The following VTI1A variants were observed in gnomAD, a reference collection of about 807,000 sequenced individuals.
VTI1A encodes the protein vesicle transport through interaction with t-SNAREs homolog 1A.
A neutral mutation model predicts 34.9 loss-of-function variants in VTI1A; 22 were observed. The ratio of observed to expected loss-of-function variants is 0.63; its 90% CI spans 0.45 to 0.90. The LOEUF (loss-of-function observed/expected upper bound fraction) is 0.90. VTI1A is among the 40% of genes least tolerant of loss of function. The pLI is 0.00. For synonymous variants in VTI1A, 87 were observed against 97.3 expected, an observed-to-expected ratio of 0.89 and a Z score of 0.62; for missense variants, 268 against 275.6, an observed-to-expected ratio of 0.97 and a Z score of 0.20.
At chr10:112,650,589 A>G (rs1846972848) in intron 5 of VTI1A, among the ~76,000 whole-genome samples, 4 of 152,210 alleles carry the variant, frequency 2.6e-5, no homozygotes, top group Admixed American at 2.6e-4. Context: ...ATAATTGTAT[A>G]TGCTATACTT....
At position 112,598,772 on chromosome 10, in the gene VTI1A, G is replaced by T. The variant is rs183733605; in HGVS notation, c.427+60442G>T. ...GAAAAGATCCCTTTCTTTTAAATAA[G>T]CTGGACTCATGATTGATTTTCTACG... On this transcript the variant is annotated intron_variant, in intron 5 of 7. Coordinates refer to ENST00000393077, the MANE Select transcript of VTI1A (RefSeq NM_145206.4). Among the ~76,000 whole-genome samples, 26 of 152,284 alleles carry T rather than the reference G, an allele frequency of 1.7e-4. No individual in the cohort carries two copies. The East Asian group carries it at 4.8e-3, about 28-fold the overall frequency.
At chr10:112,801,604 T>C (rs1852879343) in intron 7 of VTI1A, among the ~76,000 whole-genome samples, 1 of 152,178 alleles carries the variant, frequency 6.6e-6, no homozygotes, top group East Asian at 1.9e-4. Context: ...CAATAAATCT[T>C]CAGCAGACCT....
chr10:112,460,543 T>A lies in VTI1A; in HGVS notation c.114T>A (p.Val38=). ...RLPPDEKKQM[V]ANVEKQLEEA... Reference sequence around the variant, plus strand: ...TTTCAGATGAAAAGAAACAGATGGTTGCAAATGTGGAGAAACAGCTTGAAG... The same window carrying A: ...TTTCAGATGAAAAGAAACAGATGGTAGCAAATGTGGAGAAACAGCTTGAAG... The change falls in exon 2 of 8, where the codon GTT becomes GTA. Residue 38 remains valine, a synonymous_variant. Coordinates refer to ENST00000393077, the MANE Select transcript of VTI1A (RefSeq NM_145206.4). 6.2e-7 allele frequency: 1 copy of A among 1,609,990 alleles called. No individual in the cohort carries two copies. The highest frequency in any genetic ancestry group is 8.5e-7 in the Non-Finnish European group (1 of 1,178,302).
intron 3 of VTI1A, among the ~76,000 whole-genome samples, chr10:112,493,366 T>G (rs976899572): frequency 1.3e-5 from 2 of 152,182 alleles, no homozygotes; most frequent in Non-Finnish European, 2.9e-5. Context: ...CTTTGTTGAT[T>G]CTTCTGGATT....
At chr10:112,597,917 T>A (rs2134458531) in intron 5 of VTI1A, among the ~76,000 whole-genome samples, 1 of 150,968 alleles carries the variant, frequency 6.6e-6, no homozygotes, top group Non-Finnish European at 1.5e-5. Context: ...CAGGATGGTC[T>A]CGATCTCCTG....
intron 3 of VTI1A, among the ~76,000 whole-genome samples, chr10:112,518,218 A>G (rs1490531224): frequency 6.6e-6 from 1 of 152,034 alleles, no homozygotes; most frequent in East Asian, 1.9e-4. Context: ...ATAGTCTATT[A>G]ACCCATTTAT....
At chr10:112,771,432 G>A (rs1379587186) in intron 7 of VTI1A, among the ~76,000 whole-genome samples, 2 of 152,232 alleles carry the variant, frequency 1.3e-5, no homozygotes, top group Non-Finnish European at 2.9e-5. Flanking sequence ...AGGAACTGGG[G>A]AGGGAACAGG....
At chr10:112,507,600 T>G (rs144257895) in intron 3 of VTI1A, among the ~76,000 whole-genome samples, 47 of 152,310 alleles carry the variant, frequency 3.1e-4, no homozygotes, top group Non-Finnish European at 5.6e-4. Context: ...TCAGAGCACT[T>G]AGCACGGACT....
At chr10:112,753,393 T>C (rs1264951164) in intron 7 of VTI1A, among the ~76,000 whole-genome samples, 2 of 152,150 alleles carry the variant, frequency 1.3e-5, no homozygotes, top group African/African-American at 4.8e-5. Flanking sequence ...TTTGTTTTTT[T>C]CCCAAAATTA....
chr10:112,521,980 G>A (rs544279314), intron 3 of VTI1A, among the ~76,000 whole-genome samples: 16 of 152,056 alleles, frequency 1.1e-4, no homozygotes, highest in Middle Eastern at 3.4e-3. Flanking sequence ...GGAACACTTG[G>A]TGCCAAAGAT....
chr10:112,493,232 A>G (rs1401674533), intron 3 of VTI1A, among the ~76,000 whole-genome samples: 2 of 151,846 alleles, frequency 1.3e-5, no homozygotes, highest in African/African-American at 2.4e-5. Context: ...TTGTGTCGTG[A>G]ATTATGTTTT....
At position 112,601,596 on chromosome 10, in the gene VTI1A, G is replaced by A. The variant is rs138335228; in HGVS notation, c.427+63266G>A. The stretch of plus-strand genomic sequence containing the variant: ...TTCCGTGCCTCATCCTAGGAAGTAG[G>A]TTTGTCCTGTTTGCTTTCATAAGCA... On this transcript the variant is annotated intron_variant, in intron 5 of 7. Coordinates refer to ENST00000393077, the MANE Select transcript of VTI1A (RefSeq NM_145206.4). 1.9e-3 allele frequency among the ~76,000 whole-genome samples: 291 copies of A among 152,142 alleles called. 1 individual carries two copies. Among genetic ancestry groups the A allele is most frequent in the African/African-American group, 6.6e-3 (276 of 41,526 alleles).
At chr10:112,477,407 A>G (rs1848310758) in intron 3 of VTI1A, among the ~76,000 whole-genome samples, 1 of 152,238 alleles carries the variant, frequency 6.6e-6, no homozygotes, top group African/African-American at 2.4e-5. Context: ...GAGGCTCCTC[A>G]TCTTTGCAAA....
At chr10:112,629,716 A>G (rs1312210284) in intron 5 of VTI1A, among the ~76,000 whole-genome samples, 1 of 152,250 alleles carries the variant, frequency 6.6e-6, no homozygotes. Flanking sequence ...CTTAAGCAGT[A>G]TTGAGCTAAG....
At chr10:112,612,108 A>G (rs1430674232) in intron 5 of VTI1A, among the ~76,000 whole-genome samples, 2 of 152,124 alleles carry the variant, frequency 1.3e-5, no homozygotes, top group African/African-American at 4.8e-5. Context: ...AATTCTTTTA[A>G]AAATAAAAAA....
intron 5 of VTI1A, among the ~76,000 whole-genome samples, chr10:112,575,392 A>G (rs1019505262): frequency 6.6e-6 from 1 of 152,204 alleles, no homozygotes; most frequent in Non-Finnish European, 1.5e-5. Context: ...GTACAAGTCA[A>G]GGTTTTCTTC....
chr10:112,516,595 A>G (rs1849790187), intron 3 of VTI1A, among the ~76,000 whole-genome samples: 1 of 151,908 alleles, frequency 6.6e-6, no homozygotes, highest in South Asian at 2.1e-4. Context: ...TTCCATCCAA[A>G]TATCTCCCAA....
intron 5 of VTI1A, among the ~76,000 whole-genome samples, chr10:112,543,142 G>A (rs1400690487): frequency 3.9e-5 from 6 of 152,178 alleles, no homozygotes; most frequent in Non-Finnish European, 8.8e-5. Context: ...GAACATACGT[G>A]TGCATGTGTC....
chr10:112,520,651 A>G (rs199519114), intron 3 of VTI1A, among the ~76,000 whole-genome samples: 42,911 of 127,870 alleles, frequency 0.34, 6,629 homozygotes, highest in East Asian at 0.44. Flanking sequence ...GTGTGTGTAT[A>G]TATATATATA....
Sources: gnomAD v4.1 joint callset for allele counts (sites outside exome capture counted in the v4.1 genomes callset) on GRCh38, gnomAD v4.1.1 for gene constraint, MANE v1.5 for transcripts, NCBI Gene and HGNC (gene_info 2026-07-23, HGNC 2026-07-21) for gene names.